The following MICAL2 variants were observed in gnomAD, a reference collection of about 807,000 sequenced individuals.
MICAL2 encodes [F-actin]-monooxygenase MICAL2.
In MICAL2, 77 loss-of-function variants were observed where a neutral mutation model predicts 127.3. The ratio of observed to expected loss-of-function variants is 0.60; its 90% CI spans 0.50 to 0.73. The LOEUF (loss-of-function observed/expected upper bound fraction) is 0.73. Ranked by LOEUF, MICAL2 falls within the 30% of genes least tolerant of loss-of-function variation. The pLI, the probability that MICAL2 is intolerant of heterozygous loss-of-function variation, is 0.00. For missense variants in MICAL2, 1,351 were observed against 1,434.4 expected (o/e 0.94, Z 0.94); for synonymous variants, 570 against 551.1 (o/e 1.03, Z -0.48).
chr11:12,200,218 G>A (rs1860517744), intron 3 of MICAL2, among the ~76,000 whole-genome samples: 1 of 152,208 alleles, frequency 6.6e-6, no homozygotes, highest in Admixed American at 6.5e-5. Flanking sequence ...AGCTGGTTCT[G>A]GGGAAGCAGA....
intron 12 of MICAL2, 102 bp from the exon 13 acceptor site, chr11:12,224,571 C>T (rs1857187866): frequency 2.7e-6 from 4 of 1,499,402 alleles, no homozygotes; most frequent in African/African-American, 1.4e-5. Flanking sequence ...CTTGGGGCCG[C>T]TCGTCCTGGT....
At chr11:12,246,195 G>A (rs1308088909) in intron 21 of MICAL2, among the ~76,000 whole-genome samples, 1 of 152,268 alleles carries the variant, frequency 6.6e-6, no homozygotes, top group East Asian at 1.9e-4. Flanking sequence ...GAAACATGCA[G>A]AGCTGCTGGG....
intron 1 of MICAL2, among the ~76,000 whole-genome samples, chr11:12,120,819 G>A (rs535955075): frequency 9.9e-5 from 15 of 152,124 alleles, no homozygotes; most frequent in African/African-American, 2.4e-4. Flanking sequence ...TGAACCCAGC[G>A]GACTGTGGGA....
At chr11:12,330,902 T>A (rs146278708) in intron 32 of MICAL2, among the ~76,000 whole-genome samples, 1,687 of 79,626 alleles carry the variant, frequency 0.021, 11 homozygotes, top group South Asian at 0.029. Context: ...AGAGAGAGAG[T>A]GTGTGTGTGT....
At chr11:12,121,300 T>TAAG (rs1850489176) in intron 1 of MICAL2, among the ~76,000 whole-genome samples, 1 of 152,150 alleles carries the variant, frequency 6.6e-6, no homozygotes, top group African/African-American at 2.4e-5. Flanking sequence ...GGTGCTGAGC[T>TAAG]CCTCTGGGGG....
At chr11:12,251,577 TA>T (rs536942703) in intron 22 of MICAL2, among the ~76,000 whole-genome samples, 6,265 of 93,678 alleles carry the variant, frequency 0.067, 311 homozygotes, top group Middle Eastern at 0.15. Flanking sequence ...CATTTCACTT[TA>T]AAAAAAAAAA....
chr11:12,267,726 C>T (rs899699414), downstream of MICAL2, among the ~76,000 whole-genome samples: 3 of 152,266 alleles, frequency 2.0e-5, no homozygotes, highest in Non-Finnish European at 4.4e-5. Context: ...CTCAGCCACC[C>T]GAGTAGCTGA....
intron 32 of MICAL2, among the ~76,000 whole-genome samples, chr11:12,331,290 A>G (rs1222693738): frequency 6.6e-6 from 1 of 152,196 alleles, no homozygotes; most frequent in Non-Finnish European, 1.5e-5. Context: ...TCGAAAGAGA[A>G]AGGATTTCTC....
intron 2 of MICAL2, among the ~76,000 whole-genome samples, chr11:12,150,270 G>A (rs113342330): frequency 6.6e-6 from 1 of 152,146 alleles, no homozygotes; most frequent in Non-Finnish European, 1.5e-5. Context: ...ATAAACTTTT[G>A]TTGAGCACTG....
At chr11:12,336,503 G>A (rs1404101475) in intron 32 of MICAL2, among the ~76,000 whole-genome samples, 4 of 152,188 alleles carry the variant, frequency 2.6e-5, no homozygotes, top group Non-Finnish European at 5.9e-5. Flanking sequence ...AATAGGAGTG[G>A]TGAGAGAGGG....
At chr11:12,162,562 C>T in intron 3 of MICAL2, 143 bp downstream of exon 3, 1 of 1,124,600 alleles carries the variant, frequency 8.9e-7, no homozygotes, top group South Asian at 1.7e-5. Flanking sequence ...GTAAAGGTTT[C>T]CTTTGTCTCT....
chr11:12,243,000 A>G lies in MICAL2; in HGVS notation c.2658+228A>G, dbSNP rs1590592865. 9 of 423,778 alleles carry G rather than the reference A, an allele frequency of 2.1e-5. No individual in the cohort carries two copies. In the East Asian group the frequency reaches 4.3e-4, roughly 20 times the overall value. 26.3% of individuals were successfully genotyped at this position (423,778 alleles called of 1,614,324 possible). On this transcript the variant is annotated intron_variant, in intron 20 of 27. Transcript: ENST00000683283. ...ATGAGAAAGGAAAAACTAAGACAGGAAAGTAAACACAGATCGAGAAAGGCA... is the reference window on the plus strand; with the variant it reads ...ATGAGAAAGGAAAAACTAAGACAGGGAAGTAAACACAGATCGAGAAAGGCA...
At chr11:12,209,393 A>C in intron 5 of MICAL2, 104 bp from the exon 6 acceptor site, 1 of 899,736 alleles carries the variant, frequency 1.1e-6, no homozygotes, top group Non-Finnish European at 1.9e-6. Flanking sequence ...TGTGATACAC[A>C]GACCTGGCTG....
At chr11:12,161,913 G>T in intron 2 of MICAL2, 166 bp from the exon 3 acceptor site, 1 of 560,796 alleles carries the variant, frequency 1.8e-6, no homozygotes, top group Middle Eastern at 4.8e-4. Context: ...AGGCCAAAAG[G>T]CACAATTCTG....
intron 32 of MICAL2, among the ~76,000 whole-genome samples, chr11:12,349,604 G>A (rs912839124): frequency 1.3e-5 from 2 of 152,116 alleles, no homozygotes; most frequent in African/African-American, 4.8e-5. Flanking sequence ...ATTGGAACTG[G>A]AGTAGTCATG....
intron 4 of MICAL2, 125 bp downstream of exon 4, chr11:12,204,582 C>G: frequency 1.1e-6 from 1 of 913,512 alleles, no homozygotes; most frequent in East Asian, 2.6e-5. Flanking sequence ...ATATATCAGA[C>G]TAACAGACAA....
intron 32 of MICAL2, among the ~76,000 whole-genome samples, chr11:12,335,688 C>T (rs1049918268): frequency 2.6e-5 from 4 of 152,138 alleles, no homozygotes; most frequent in African/African-American, 9.7e-5. Context: ...CTAGTTTTCC[C>T]AGCACCATTT....
intron 3 of MICAL2, among the ~76,000 whole-genome samples, chr11:12,176,796 G>A (rs776987876): frequency 2.6e-5 from 4 of 152,130 alleles, no homozygotes; most frequent in Non-Finnish European, 5.9e-5. Flanking sequence ...ATGTCGTAAT[G>A]TATGTCTGAA....
intron 33 of MICAL2, among the ~76,000 whole-genome samples, chr11:12,350,744 AG>A (rs1939030696): frequency 6.6e-6 from 1 of 152,220 alleles, no homozygotes; most frequent in South Asian, 2.1e-4. Context: ...TACCTGGCTA[AG>A]TATGACAGCC....
Sources: allele counts gnomAD v4.1 joint callset (sites outside exome capture counted in the v4.1 genomes callset), GRCh38; gene constraint gnomAD v4.1.1; transcripts MANE v1.5; gene names NCBI Gene and HGNC (gene_info 2026-07-23, HGNC 2026-07-21).